UBAC2: variants seen among roughly 807,000 people sequenced by gnomAD.
UBAC2 encodes the protein ubiquitin-associated domain-containing protein 2.
A neutral mutation model predicts 44.0 loss-of-function variants in UBAC2; 26 were observed. That is an observed-to-expected ratio of 0.59 (90% CI 0.43 to 0.82). The LOEUF is 0.82. Among genes scored for constraint, UBAC2 ranks in the 40% least tolerant of loss-of-function variants. The probability of loss-of-function intolerance (pLI) is 0.00; values close to 1 mark genes in which losing one functional copy is unlikely to be tolerated. For synonymous variants in UBAC2, 155 were observed against 154.3 expected (o/e 1.00, Z -0.04); for missense variants, 329 against 419.4 (o/e 0.78, Z 1.88).
chr13:99,344,126 T>C (rs1050468830), intron 7 of UBAC2, among the ~76,000 whole-genome samples: 2 of 152,222 alleles, frequency 1.3e-5, no homozygotes, highest in Non-Finnish European at 2.9e-5. Context: ...ACTCAGTATA[T>C]GTTATCTCAT....
chr13:99,204,901 C>CT (rs569772649), intron 1 of UBAC2, among the ~76,000 whole-genome samples: 1,189 of 75,928 alleles, frequency 0.016, 36 homozygotes, highest in Non-Finnish European at 0.021. Flanking sequence ...GTTTCGTTTC[C>CT]TTTTTTTTTT....
chr13:99,341,063 A>G (rs2044878006), intron 7 of UBAC2, among the ~76,000 whole-genome samples: 1 of 152,240 alleles, frequency 6.6e-6, no homozygotes, highest in Non-Finnish European at 1.5e-5. Context: ...GCTATCAATA[A>G]TCAGAAATTA....
chr13:99,289,909 C>A (rs552999144), intron 4 of UBAC2, among the ~76,000 whole-genome samples: 9 of 152,314 alleles, frequency 5.9e-5, no homozygotes, highest in African/African-American at 2.2e-4. Flanking sequence ...TCTTTTGCCC[C>A]CAACCCATTG....
At chr13:99,216,514 T>C (rs1177536240) in intron 1 of UBAC2, among the ~76,000 whole-genome samples, 1 of 152,156 alleles carries the variant, frequency 6.6e-6, no homozygotes, top group East Asian at 1.9e-4. Flanking sequence ...AAATCATAGG[T>C]GATTTAAAGA....
chr13:99,224,252 C>T (rs2043085938), intron 1 of UBAC2, among the ~76,000 whole-genome samples: 1 of 152,134 alleles, frequency 6.6e-6, no homozygotes, highest in Non-Finnish European at 1.5e-5. Context: ...CCCTGGGTCC[C>T]TCCCTTTTCT....
intron 4 of UBAC2, among the ~76,000 whole-genome samples, chr13:99,264,504 T>A (rs1364807092): frequency 6.6e-6 from 1 of 152,246 alleles, no homozygotes; most frequent in Non-Finnish European, 1.5e-5. Context: ...GTCCCCTTTT[T>A]TTCTTTGTAG....
At chr13:99,227,422 C>A (rs150803460) in intron 1 of UBAC2, among the ~76,000 whole-genome samples, 48 of 152,254 alleles carry the variant, frequency 3.2e-4, no homozygotes, top group African/African-American at 1.1e-3. Flanking sequence ...GTGAAAAGAA[C>A]AAGAATGATT....
intron 4 of UBAC2, among the ~76,000 whole-genome samples, chr13:99,299,466 A>G (rs1433210032): frequency 6.6e-6 from 1 of 152,088 alleles, no homozygotes; most frequent in African/African-American, 2.4e-5. Flanking sequence ...ACACACGCAC[A>G]CACACACACA....
At chr13:99,206,813 C>CT (rs1262928095) in intron 1 of UBAC2, among the ~76,000 whole-genome samples, 1 of 152,230 alleles carries the variant, frequency 6.6e-6, no homozygotes, top group Non-Finnish European at 1.5e-5. Context: ...TTCTCAGTCT[C>CT]TCCCCATCTC....
chr13:99,269,144 G>A (rs1371318588), intron 4 of UBAC2, among the ~76,000 whole-genome samples: 1 of 152,184 alleles, frequency 6.6e-6, no homozygotes, highest in Non-Finnish European at 1.5e-5. Context: ...GGCTGTGGCT[G>A]GGAGAGTGCG....
At chr13:99,254,996 A>G (rs761185561) in intron 4 of UBAC2, 2 of 1,614,170 alleles carry the variant, frequency 1.2e-6, no homozygotes, top group Non-Finnish European at 1.7e-6. Context: ...CGAGCCTGAA[A>G]TTGTTTTGAA....
intron 7 of UBAC2, among the ~76,000 whole-genome samples, chr13:99,350,276 T>TTACC (rs2045062344): frequency 6.6e-6 from 1 of 152,208 alleles, no homozygotes; most frequent in African/African-American, 2.4e-5. Flanking sequence ...TAGGTAATCC[T>TTACC]TCGCCCACAG....
At chr13:99,377,731 C>G (rs1310628943) in intron 8 of UBAC2, 2 of 152,238 alleles carry the variant, frequency 1.3e-5, no homozygotes, top group African/African-American at 4.8e-5. Flanking sequence ...CACCACACAC[C>G]TGGCCCCGCT....
At chr13:99,304,149 C>T (rs946710647) in intron 4 of UBAC2, among the ~76,000 whole-genome samples, 22 of 152,190 alleles carry the variant, frequency 1.4e-4, no homozygotes, top group African/African-American at 5.3e-4. Context: ...AGGAGGGTTG[C>T]TGGTCAGCTT....
At chr13:99,216,082 T>TTGTGTG (rs3031384) in intron 1 of UBAC2, among the ~76,000 whole-genome samples, 1,967 of 148,812 alleles carry the variant, frequency 0.013, 37 homozygotes, top group African/African-American at 0.043. Flanking sequence ...CAACCTATAT[T>TTGTGTG]TGTGTGTGTG....
chr13:99,327,482 C>CTGTG (rs544191744), intron 6 of UBAC2, among the ~76,000 whole-genome samples: 4 of 150,214 alleles, frequency 2.7e-5, no homozygotes, highest in African/African-American at 4.9e-5. Flanking sequence ...TTCTCTCTCT[C>CTGTG]TCTGTGTGTG....
rs557895754 is a variant in UBAC2 at position 99,205,867 on chromosome 13, C to T, written c.31+4928C>T. 1.3e-4 allele frequency: 20 copies of T among 159,908 alleles called. No individual in the cohort carries two copies. The South Asian group carries it at 3.9e-3, about 31-fold the overall frequency. The allele number at this position is 159,908 out of a possible 1,614,324, so 9.9% of individuals were successfully genotyped here. A position where few individuals can be genotyped will look rare whatever the true frequency, so the allele number is the denominator to read the frequency against. ...CTCGGTCGAAGAGGACGACCATCCC[C>T]GATAGAGGAGGACCGGTCTTTGGTC... On this transcript the variant is annotated intron_variant, in intron 1 of 8. Coordinates refer to ENST00000403766, the MANE Select transcript of UBAC2 (RefSeq NM_001144072.2).
chr13:99,383,351 A>AT (rs1180741150), intron 8 of UBAC2, among the ~76,000 whole-genome samples: 1 of 45,046 alleles, frequency 2.2e-5, no homozygotes, highest in Non-Finnish European at 6.8e-5. Flanking sequence ...TTTCCAGCCA[A>AT]CCAAATGAAT....
intron 8 of UBAC2, among the ~76,000 whole-genome samples, chr13:99,369,457 A>G (rs995409346): frequency 5.9e-5 from 9 of 152,218 alleles, no homozygotes; most frequent in Non-Finnish European, 1.2e-4. Context: ...CAATAATTAC[A>G]TGAGATAGTC....
Sources: allele counts gnomAD v4.1 joint callset (sites outside exome capture counted in the v4.1 genomes callset), GRCh38; gene constraint gnomAD v4.1.1; transcripts MANE v1.5; gene names NCBI Gene and HGNC (gene_info 2026-07-23, HGNC 2026-07-21).